ARHGEF17: variants seen among roughly 807,000 people sequenced by gnomAD.
ARHGEF17 encodes 164 kDa Rho-specific guanine-nucleotide exchange factor.
Under a neutral mutation model 174.0 loss-of-function variants are expected in ARHGEF17, and 80 were observed. The ratio of observed to expected loss-of-function variants is 0.46; its 90% CI spans 0.38 to 0.55. ARHGEF17 has a LOEUF of 0.55. ARHGEF17 is among the 20% of genes least tolerant of loss of function. The pLI is 0.00. For synonymous variants in ARHGEF17, 1,311 were observed against 1,189.1 expected (o/e 1.10, Z -2.11); for missense variants, 2,886 against 2,839.7 (o/e 1.02, Z -0.37).
In ARHGEF17 at chr11:73,356,171, C is replaced by T; in HGVS notation, c.3664-4C>T. ...GTCAGGTCTGCTCCCCATTCCCACCCCAGGACCTCCTGAAGCATACACCTG... is the reference window on the plus strand; with the variant it reads ...GTCAGGTCTGCTCCCCATTCCCACCTCAGGACCTCCTGAAGCATACACCTG... On this transcript the variant is annotated splice_region_variant and splice_polypyrimidine_tract_variant and intron_variant, in intron 5 of 20. Transcript: ENST00000263674. 1.2e-6 allele frequency: 2 copies of T among 1,613,804 alleles called. No homozygotes were observed. Among genetic ancestry groups the T allele is most frequent in the East Asian group, 2.2e-5 (1 of 44,868 alleles).
Position 73,309,411 on chromosome 11 carries a change from C to T in ARHGEF17, c.773C>T (p.Pro258Leu), listed in dbSNP as rs1412834218. 4 of 1,554,170 alleles carry T rather than the reference C, an allele frequency of 2.6e-6. No homozygotes were observed. In the South Asian group the frequency reaches 3.6e-5, roughly 14 times the overall value. ...ASSSEEEEEG[P>L]PQLPGAQSPA... ...TCCAGCGAGGAGGAAGAGGAGGGCCCGCCGCAGCTGCCTGGAGCCCAGAGT... is the reference window on the plus strand; with the variant it reads ...TCCAGCGAGGAGGAAGAGGAGGGCCTGCCGCAGCTGCCTGGAGCCCAGAGT... Residue 258 changes from proline (P) to leucine (L), a missense_variant, in exon 1 of 21, where the codon CCG (proline) becomes CTG (leucine). Physicochemically the swap from Pro to Leu is moderately conservative, Grantham distance 98 (BLOSUM62 -3). Coordinates refer to ENST00000263674, the MANE Select transcript of ARHGEF17 (RefSeq NM_014786.4).
At chr11:73,348,667 C>G (rs1488256771) in intron 2 of ARHGEF17, among the ~76,000 whole-genome samples, 1 of 152,014 alleles carries the variant, frequency 6.6e-6, no homozygotes, top group African/African-American at 2.4e-5. Flanking sequence ...TACAGGGTTG[C>G]AGTTTTACAG....
chr11:73,363,876 C>A lies in ARHGEF17; in HGVS notation c.5333+43C>A, dbSNP rs759126755. On this transcript the variant is annotated intron_variant, in intron 16 of 20. Coordinates refer to ENST00000263674, the MANE Select transcript of ARHGEF17 (RefSeq NM_014786.4). ...CCCTTCCTATCTAGACTCTTCTCAG[C>A]CACACGTGCAGGCCTCCTTCTGTTC... 5.7e-6 allele frequency: 9 copies of A among 1,580,952 alleles called. No individual in the cohort carries two copies. The Admixed American group carries it at 1.2e-4, about 21-fold the overall frequency.
At chr11:73,356,663 G>T (rs1477673749) in intron 6 of ARHGEF17, 46 bp from the exon 7 acceptor site, 1 of 1,612,068 alleles carries the variant, frequency 6.2e-7, no homozygotes, top group Non-Finnish European at 8.5e-7. Context: ...AGGGGATAGG[G>T]ATTAATAACT....
In ARHGEF17 at chr11:73,359,950, C is replaced by G. The variant is rs1413972393; in HGVS notation, c.4204C>G (p.Gln1402Glu). Residue 1402 changes from glutamine (Q) to glutamate (E), a missense_variant and splice_region_variant, in exon 10 of 21, where the codon CAG becomes GAG. Coordinates refer to ENST00000263674, the MANE Select transcript of ARHGEF17 (RefSeq NM_014786.4). ...CTCTGAGAGCCTTGGTTTCCCCCAC[C>G]AGGTCTGTGCCCTCTGCCTGACACT... is the stretch of plus-strand genomic sequence containing the variant. ...KLSESLGFPHQSLDDALRDLS... is the reference protein window; with the variant it reads ...KLSESLGFPHESLDDALRDLS... 6.2e-7 allele frequency: 1 copy of G among 1,604,454 alleles called. No individual in the cohort carries two copies. The highest frequency in any genetic ancestry group is 8.5e-7 in the Non-Finnish European group (1 of 1,175,766).
At chr11:73,328,907 G>A (rs544113665) in intron 1 of ARHGEF17, among the ~76,000 whole-genome samples, 18 of 152,254 alleles carry the variant, frequency 1.2e-4, no homozygotes, top group Middle Eastern at 3.4e-3. Flanking sequence ...AGGTCTAGGA[G>A]AGAGAGTCAT....
At position 73,311,748 on chromosome 11, in the gene ARHGEF17, C is replaced by T. The variant is rs111843143; in HGVS notation, c.3110C>T (p.Ser1037Phe). The change falls in exon 1 of 21, where the codon TCT becomes TTT. Residue 1037 changes from serine (S) to phenylalanine (F), a missense_variant. Physicochemically the swap from Ser to Phe is radical, Grantham distance 155. Coordinates refer to ENST00000263674, the MANE Select transcript of ARHGEF17 (RefSeq NM_014786.4). ...MPCLPLAAPP[S>F]AEAKPPEAAR... Reference sequence around the variant, plus strand: ...TGCTTGCCTCTGGCTGCACCGCCCTCTGCTGAGGCCAAGCCCCCTGAGGCA... The same window carrying T: ...TGCTTGCCTCTGGCTGCACCGCCCTTTGCTGAGGCCAAGCCCCCTGAGGCA... 8.1e-6 allele frequency: 13 copies of T among 1,613,164 alleles called. No homozygotes were observed. The highest frequency in any genetic ancestry group is 6.7e-5 in the Admixed American group (4 of 60,028).
At chr11:73,324,579 G>C (rs886719611) in intron 1 of ARHGEF17, among the ~76,000 whole-genome samples, 5 of 152,212 alleles carry the variant, frequency 3.3e-5, no homozygotes, top group African/African-American at 1.2e-4. Context: ...AGGGTGCTTA[G>C]CTCAGGTCAC....
intron 16 of ARHGEF17, 60 bp downstream of exon 16, chr11:73,363,893 C>T (rs896534580): frequency 4.6e-6 from 7 of 1,535,072 alleles, no homozygotes; most frequent in African/African-American, 1.4e-5. Context: ...TGCAGGCCTC[C>T]TTCTGTTCAT....
Position 73,311,271 on chromosome 11 carries a change from C to T in ARHGEF17, c.2633C>T (p.Ala878Val), listed in dbSNP as rs1342483396. 1 of 1,612,766 alleles carries T rather than the reference C, an allele frequency of 6.2e-7. No individual in the cohort carries two copies. Among genetic ancestry groups the T allele is most frequent in the South Asian group, 1.1e-5 (1 of 91,050 alleles). The change falls in exon 1 of 21, where the codon GCC (alanine) becomes GTC (valine). Residue 878 changes from alanine (A) to valine (V), a missense_variant. This residue lies in a region of ARHGEF17 where 1,728 missense variants were observed against 1,461.2 expected (regional missense o/e 1.18). Transcript: ENST00000263674. ...EQRAEPEEPG[A>V]TRSRAQSERA... ...CGGGCAGAGCCAGAAGAACCTGGTG[C>T]CACCAGGAGCCGGGCACAGTCTGAA...
chr11:73,351,508 CAGAAAGTGTCAAT>C (rs1865553235), intron 2 of ARHGEF17, among the ~76,000 whole-genome samples: 1 of 152,188 alleles, frequency 6.6e-6, no homozygotes, highest in Non-Finnish European at 1.5e-5. Context: ...TAACAGCGTT[CAGAAAGTGTCAAT>C]AAGAGTCTCC....
chr11:73,326,717 T>C, intron 1 of ARHGEF17, among the ~76,000 whole-genome samples: 1 of 151,944 alleles, frequency 6.6e-6, no homozygotes, highest in Admixed American at 6.6e-5. Flanking sequence ...TGAAACTCCG[T>C]CTCAAAAAAT....
chr11:73,312,563 G>A (rs1035587261), intron 1 of ARHGEF17, among the ~76,000 whole-genome samples: 2 of 152,106 alleles, frequency 1.3e-5, no homozygotes, highest in African/African-American at 4.8e-5. Flanking sequence ...GACTCTTGGG[G>A]CCTGAGTTCT....
In ARHGEF17 at chr11:73,311,356, C is replaced by A. The variant is rs1159554006; in HGVS notation, c.2718C>A (p.Asp906Glu). The A allele has an allele frequency of 1.2e-6, 2 of 1,613,244 alleles. No homozygotes were observed. Among genetic ancestry groups the A allele is most frequent in the African/African-American group, 2.7e-5 (2 of 74,948 alleles). Reference protein sequence around the residue: ...PATAHRNFHLDPKLADILSPR... With the variant: ...PATAHRNFHLEPKLADILSPR... Reference sequence around the variant, plus strand: ...CTGCCCACCGAAACTTTCACCTTGACCCCAAGCTGGCTGACATTCTGTCCC... The same window carrying A: ...CTGCCCACCGAAACTTTCACCTTGAACCCAAGCTGGCTGACATTCTGTCCC... The change falls in exon 1 of 21, where the codon GAC becomes GAA. Residue 906 changes from aspartate to glutamate, a missense_variant. Asp to Glu is a conservative substitution (Grantham distance 45). This residue lies in a region of ARHGEF17 where 1,728 missense variants were observed against 1,461.2 expected (regional missense o/e 1.18). Coordinates refer to ENST00000263674, the MANE Select transcript of ARHGEF17 (RefSeq NM_014786.4).
chr11:73,309,310 G>A lies in ARHGEF17; in HGVS notation c.672G>A (p.Gln224=), dbSNP rs1170948907. 1 of 1,608,886 alleles carries A rather than the reference G, an allele frequency of 6.2e-7. No homozygotes were observed. Among genetic ancestry groups the A allele is most frequent in the African/African-American group, 1.4e-5 (1 of 72,280 alleles). Residue 224 remains glutamine, a synonymous_variant, in exon 1 of 21, where the codon CAG becomes CAA. Coordinates refer to ENST00000263674, the MANE Select transcript of ARHGEF17 (RefSeq NM_014786.4). Reference sequence around the variant, plus strand: ...CTTGGCATATCTTCTCCCAACCGCAGGCCGGGGCCCGGGCCTCCTGCTCCT... The same window carrying A: ...CTTGGCATATCTTCTCCCAACCGCAAGCCGGGGCCCGGGCCTCCTGCTCCT... The part of the protein sequence containing the change: ...LHSWHIFSQP[Q]AGARASCSSS...
intron 17 of ARHGEF17, 99 bp downstream of exon 17, chr11:73,364,338 T>TGGGC: frequency 6.3e-7 from 1 of 1,594,718 alleles, no homozygotes; most frequent in Non-Finnish European, 8.6e-7. Flanking sequence ...AGGCCCTCTG[T>TGGGC]GGGCCTTGGT....
rs201900251 is a variant in ARHGEF17, at chr11:73,311,721, C to T, written c.3083C>T (p.Pro1028Leu). 6.2e-7 allele frequency: 1 copy of T among 1,613,302 alleles called. No individual in the cohort carries two copies. The highest frequency in any genetic ancestry group is 2.2e-5 in the East Asian group (1 of 44,890). ...CCTGCCCCAGTGCCAGTGGACATGCCCTGCTTGCCTCTGGCTGCACCGCCC... is the reference window on the plus strand; with the variant it reads ...CCTGCCCCAGTGCCAGTGGACATGCTCTGCTTGCCTCTGGCTGCACCGCCC... ...EVPAPVPVDMPCLPLAAPPSA... is the reference protein window; with the variant it reads ...EVPAPVPVDMLCLPLAAPPSA... The change falls in exon 1 of 21, where the codon CCC becomes CTC. Residue 1028 changes from proline (P) to leucine (L), a missense_variant. Coordinates refer to ENST00000263674, the MANE Select transcript of ARHGEF17 (RefSeq NM_014786.4).
chr11:73,364,418 G>T (rs1385084033), intron 17 of ARHGEF17, 34 bp from the exon 18 acceptor site: 2 of 1,612,670 alleles, frequency 1.2e-6, no homozygotes, highest in Non-Finnish European at 1.7e-6. Flanking sequence ...TTTAGAACTG[G>T]AGTGAATTTC....
At position 73,310,463 on chromosome 11, in the gene ARHGEF17, C is replaced by T; in HGVS notation, c.1825C>T (p.Gln609Ter). The T allele has an allele frequency of 1.2e-6, 2 of 1,614,012 alleles. No individual in the cohort carries two copies. The highest frequency in any genetic ancestry group is 1.7e-6 in the Non-Finnish European group (2 of 1,180,044). Residue 609 changes from glutamine (Q) to a stop codon, truncating the protein, a stop_gained, in exon 1 of 21, where the codon CAA becomes TAA. Transcript: ENST00000263674. LOFTEE classifies it high-confidence loss of function. ...FEKIQRMGAQ[Q>*]DDGSDAPPGS... ...GAAGATCCAGCGCATGGGTGCCCAA[C>T]AAGATGATGGAAGCGATGCCCCCCC... is the stretch of plus-strand genomic sequence containing the variant.
Sources: allele counts gnomAD v4.1 joint callset (sites outside exome capture counted in the v4.1 genomes callset), GRCh38; gene constraint gnomAD v4.1.1; regional missense constraint gnomAD v4.1.1; transcripts MANE v1.5; gene names NCBI Gene and HGNC (gene_info 2026-07-23, HGNC 2026-07-21).